EFHC2: variants seen among roughly 807,000 people sequenced by gnomAD.
EFHC2 encodes EF-hand domain containing 2, also known as EF-hand domain-containing family member C2.
Under a neutral mutation model 52.7 loss-of-function variants are expected in EFHC2, and 18 were observed. That is an observed-to-expected ratio of 0.34 (90% CI 0.24 to 0.51). EFHC2 has a LOEUF of 0.51. EFHC2 is among the 20% of genes least tolerant of loss of function. The pLI is 0.97. For missense variants in EFHC2, 513 were observed against 562.5 expected (o/e 0.91, Z 0.89); for synonymous variants, 203 against 204.1 (o/e 0.99, Z 0.04).
At chrX:44,187,659 G>T (rs1347018979) in intron 11 of EFHC2, among the ~76,000 whole-genome samples, 1 of 111,249 alleles carries the variant, frequency 9.0e-6, no homozygotes, top group East Asian at 2.8e-4. Flanking sequence ...ATTGTGGTGT[G>T]TGCCTGCAGT....
At chrX:44,213,730 A>G (rs2037120658) in intron 11 of EFHC2, among the ~76,000 whole-genome samples, 2 of 111,782 alleles carry the variant, frequency 1.8e-5, no homozygotes, top group African/African-American at 6.5e-5. Context: ...AATAGATTGT[A>G]CACGTTTCTC....
intron 8 of EFHC2, among the ~76,000 whole-genome samples, chrX:44,240,158 TAC>T (rs1372578118): frequency 8.9e-6 from 1 of 112,361 alleles, no homozygotes; most frequent in African/African-American, 3.2e-5. Flanking sequence ...CTTAGGTTCT[TAC>T]AGTTTTAAAA....
At chrX:44,182,568 T>A (rs1355395688) in intron 11 of EFHC2, among the ~76,000 whole-genome samples, 2 of 112,263 alleles carry the variant, frequency 1.8e-5, no homozygotes, top group African/African-American at 6.5e-5. Context: ...AAAACATAGG[T>A]ACAACTTCCA....
At chrX:44,278,397 C>G (rs1279596258) in intron 2 of EFHC2, among the ~76,000 whole-genome samples, 1 of 111,766 alleles carries the variant, frequency 8.9e-6, no homozygotes, top group African/African-American at 3.3e-5. Context: ...AACAAAAAAC[C>G]CAGACCCTTG....
At chrX:44,163,174 C>T (rs1174491674) in intron 14 of EFHC2, among the ~76,000 whole-genome samples, 3 of 112,169 alleles carry the variant, frequency 2.7e-5, no homozygotes, top group Non-Finnish European at 5.6e-5. Flanking sequence ...AGACCAGCTC[C>T]AGCCAGAATG....
intron 4 of EFHC2, among the ~76,000 whole-genome samples, chrX:44,256,083 A>T (rs866013891): frequency 3.6e-5 from 4 of 112,025 alleles, no homozygotes; most frequent in Middle Eastern, 4.7e-3. Flanking sequence ...AAATGACAAC[A>T]AAGACACAAC....
At position 44,248,861 on chromosome X, in the gene EFHC2, T is replaced by A; in HGVS notation, c.914A>T (p.Asn305Ile). The A allele has an allele frequency of 1.7e-6, 2 of 1,210,243 alleles. No homozygotes were observed. The highest frequency in any genetic ancestry group is 2.2e-6 in the Non-Finnish European group (2 of 894,907). ...PGQITDRAVL[N>I]SYGDFIKNQA... is the part of the protein sequence containing the mutation. Reference sequence around the variant, plus strand: ...GTTCTTTATAAAGTCACCATATGAATTGAGAACTGCTCGATCTGTTATCTG... The same window carrying A: ...GTTCTTTATAAAGTCACCATATGAAATGAGAACTGCTCGATCTGTTATCTG... The change falls in exon 6 of 15, where the codon AAT (asparagine) becomes ATT (isoleucine). Residue 305 changes from asparagine to isoleucine, a missense_variant. By Grantham distance (149) the Asn-to-Ile change is moderately radical. Coordinates refer to ENST00000420999, the MANE Select transcript of EFHC2 (RefSeq NM_025184.4).
intron 3 of EFHC2, among the ~76,000 whole-genome samples, chrX:44,270,452 T>C (rs1472808211): frequency 1.8e-5 from 2 of 111,543 alleles, no homozygotes; most frequent in East Asian, 5.7e-4. Flanking sequence ...TAGTAATTAG[T>C]AAGCAAAATT....
chrX:44,211,272 A>C (rs1406243961), intron 11 of EFHC2, among the ~76,000 whole-genome samples: 1 of 112,533 alleles, frequency 8.9e-6, no homozygotes, highest in East Asian at 2.8e-4. Flanking sequence ...TCACGCCTGT[A>C]ATCTCAGCAC....
At chrX:44,267,073 A>C (rs750541863) in intron 3 of EFHC2, among the ~76,000 whole-genome samples, 1 of 111,818 alleles carries the variant, frequency 8.9e-6, no homozygotes, top group Non-Finnish European at 1.9e-5. Flanking sequence ...TTCAACTGAG[A>C]ACAACTGGTA....
At chrX:44,161,568 A>G (rs976875744) in intron 14 of EFHC2, among the ~76,000 whole-genome samples, 4 of 111,686 alleles carry the variant, frequency 3.6e-5, no homozygotes, top group Non-Finnish European at 5.6e-5. Context: ...CCCACTGGTC[A>G]ACCCAACTGG....
chrX:44,317,622 C>A (rs1440664762), intron 1 of EFHC2, among the ~76,000 whole-genome samples: 1 of 112,441 alleles, frequency 8.9e-6, no homozygotes, highest in African/African-American at 3.2e-5. Flanking sequence ...CTTGTCTCTA[C>A]ATAAAATACA....
chrX:44,211,491 G>A (rs1426634632), intron 11 of EFHC2, among the ~76,000 whole-genome samples: 2 of 111,073 alleles, frequency 1.8e-5, no homozygotes, highest in Non-Finnish European at 3.8e-5. Context: ...TCGCACCATT[G>A]CACTCCAGCC....
At chrX:44,228,727 G>T (rs935081924) in intron 11 of EFHC2, among the ~76,000 whole-genome samples, 1 of 111,416 alleles carries the variant, frequency 9.0e-6, no homozygotes, top group East Asian at 2.8e-4. Context: ...ACCAGGTAGT[G>T]ATGCAATAGG....
chrX:44,272,218 C>T (rs1400348057), intron 3 of EFHC2, among the ~76,000 whole-genome samples: 4 of 111,837 alleles, frequency 3.6e-5, no homozygotes, highest in African/African-American at 9.8e-5. Context: ...GAGGTACCAT[C>T]GAAGTCTGTA....
chrX:44,272,566 C>T, intron 3 of EFHC2, 120 bp downstream of exon 3: 1 of 709,338 alleles, frequency 1.4e-6, no homozygotes, highest in Admixed American at 4.2e-5. Flanking sequence ...ATATTCACCA[C>T]TGCCAGCAGG....
intron 11 of EFHC2, among the ~76,000 whole-genome samples, chrX:44,226,683 A>G (rs958104302): frequency 8.2e-5 from 9 of 110,025 alleles, no homozygotes; most frequent in African/African-American, 3.0e-4. Context: ...GGCTAGATAA[A>G]ATGTACACAT....
Position 44,186,153 on chromosome X carries a change from C to A in EFHC2, c.1752-7589G>T, listed in dbSNP as rs377599119. ...ATGTCTTGGTGCACTAGACTTCAGG[C>A]CTGTTTAAGTGTAGCCAAACAAAAT... On this transcript the variant is annotated intron_variant, in intron 11 of 14. Coordinates refer to ENST00000420999, the MANE Select transcript of EFHC2 (RefSeq NM_025184.4). 3.2e-3 allele frequency among the ~76,000 whole-genome samples: 360 copies of A among 111,355 alleles called. 5 individuals carry two copies. The Middle Eastern group carries it at 0.033, about 10-fold the overall frequency.
chrX:44,294,804 G>A (rs897711773), intron 2 of EFHC2, among the ~76,000 whole-genome samples: 2 of 111,714 alleles, frequency 1.8e-5, no homozygotes, highest in South Asian at 7.4e-4. Flanking sequence ...AAAGCTAAAA[G>A]CCATTAGGAA....
Sources: allele counts gnomAD v4.1 joint callset (sites outside exome capture counted in the v4.1 genomes callset), GRCh38; gene constraint gnomAD v4.1.1; transcripts MANE v1.5; gene names NCBI Gene and HGNC (gene_info 2026-07-23, HGNC 2026-07-21).